Variants in TBC1D23 observed in about 807,000 individuals in gnomAD.
The protein encoded by TBC1D23 is HCV non-structural protein 4A-transactivated protein 1.
Under a neutral mutation model 91.4 loss-of-function variants are expected in TBC1D23, and 55 were observed. The ratio of observed to expected loss-of-function variants is 0.60; its 90% confidence interval spans 0.48 to 0.75. TBC1D23 has a LOEUF of 0.75. Ranked by LOEUF, TBC1D23 falls within the 30% of genes least tolerant of loss-of-function variation. TBC1D23 has a pLI of 0.00. For missense variants in TBC1D23, 725 were observed against 836.1 expected (o/e 0.87, Z 1.64); for synonymous variants, 289 against 281.0 (o/e 1.03, Z -0.28).
intron 12 of TBC1D23, 133 bp downstream of exon 12, chr3:100,305,021 G>T: frequency 1.8e-6 from 1 of 547,946 alleles, no homozygotes; most frequent in Non-Finnish European, 3.2e-6. Context: ...TTTCAGAAAA[G>T]GCAAGGCCAG....
intron 13 of TBC1D23, among the ~76,000 whole-genome samples, chr3:100,309,228 T>A (rs1705573410): frequency 6.6e-6 from 1 of 152,162 alleles, no homozygotes; most frequent in Non-Finnish European, 1.5e-5. Context: ...CTCTTACATT[T>A]GGTACATCAG....
At chr3:100,302,712 G>C (rs1057329659) in intron 11 of TBC1D23, among the ~76,000 whole-genome samples, 1 of 151,916 alleles carries the variant, frequency 6.6e-6, no homozygotes, top group Non-Finnish European at 1.5e-5. Context: ...TTAGCCTCTC[G>C]AGTAGCTGGG....
At chr3:100,315,513 C>A (rs1705727393) in intron 15 of TBC1D23, among the ~76,000 whole-genome samples, 1 of 152,124 alleles carries the variant, frequency 6.6e-6, no homozygotes, top group Non-Finnish European at 1.5e-5. Flanking sequence ...GTAGAATCTT[C>A]ATTTCTATTG....
intron 4 of TBC1D23, among the ~76,000 whole-genome samples, chr3:100,287,507 G>A (rs1434976048): frequency 6.6e-6 from 1 of 152,186 alleles, no homozygotes; most frequent in Non-Finnish European, 1.5e-5. Context: ...TATAGTGTAT[G>A]CCTCTACTCA....
Position 100,299,305 on chromosome 3 carries a change from A to G in TBC1D23, c.1066A>G (p.Thr356Ala). The change falls in exon 10 of 19, where the codon ACT becomes GCT. Residue 356 changes from threonine to alanine, a missense_variant. Thr to Ala is a moderately conservative substitution (Grantham distance 58). Coordinates refer to ENST00000394144, the MANE Select transcript of TBC1D23 (RefSeq NM_001199198.3). The stretch of plus-strand genomic sequence containing the variant: ...ACAATATAATGCTGGGCATTTATCA[A>G]CTGCTTTCCACTTAGATTCAGACCT... ...AEQYNAGHLS[T>A]AFHLDSDLML... 1 of 1,611,040 alleles carries G rather than the reference A, an allele frequency of 6.2e-7. No homozygotes were observed. Among genetic ancestry groups the G allele is most frequent in the Non-Finnish European group, 8.5e-7 (1 of 1,177,550 alleles).
intron 15 of TBC1D23, 60 bp downstream of exon 15, chr3:100,311,937 C>G: frequency 8.9e-7 from 1 of 1,128,036 alleles, no homozygotes; most frequent in Non-Finnish European, 1.3e-6. Context: ...ATGCTTCATG[C>G]CATCTATAAG....
chr3:100,279,110 T>C (rs937306499), intron 1 of TBC1D23, among the ~76,000 whole-genome samples: 1 of 152,196 alleles, frequency 6.6e-6, no homozygotes, highest in African/African-American at 2.4e-5. Context: ...CATGTGACCC[T>C]ATACCATAAT....
chr3:100,287,861 C>T (rs2067757699), intron 4 of TBC1D23, among the ~76,000 whole-genome samples: 1 of 151,872 alleles, frequency 6.6e-6, no homozygotes, highest in Admixed American at 6.6e-5. Context: ...TCAAGTGATC[C>T]TCCCTCCTCA....
chr3:100,305,497 CA>C (rs1324748118), intron 12 of TBC1D23, among the ~76,000 whole-genome samples: 1 of 151,982 alleles, frequency 6.6e-6, no homozygotes, highest in African/African-American at 2.4e-5. Flanking sequence ...AGAGATACTA[CA>C]AAAATACTGA....
At chr3:100,280,005 C>T (rs146100802) in intron 2 of TBC1D23, among the ~76,000 whole-genome samples, 11 of 151,994 alleles carry the variant, frequency 7.2e-5, no homozygotes, top group African/African-American at 2.7e-4. Context: ...GTTTATGGGG[C>T]CAGGCACAAT....
chr3:100,316,539 G>A (rs553511073), intron 16 of TBC1D23, among the ~76,000 whole-genome samples: 3 of 152,182 alleles, frequency 2.0e-5, no homozygotes, highest in Non-Finnish European at 4.4e-5. Flanking sequence ...GCTAAGGAGA[G>A]AGGTTTAAAC....
chr3:100,295,694 G>T (rs934770444), intron 7 of TBC1D23, among the ~76,000 whole-genome samples: 2 of 151,740 alleles, frequency 1.3e-5, no homozygotes, highest in African/African-American at 2.4e-5. Flanking sequence ...TGAAACCTTG[G>T]TTCTCCTTTT....
intron 15 of TBC1D23, among the ~76,000 whole-genome samples, chr3:100,315,253 C>T (rs567315611): frequency 4.2e-4 from 63 of 150,432 alleles, no homozygotes; most frequent in African/African-American, 1.3e-3. Flanking sequence ...ACCTCTGCCT[C>T]CCGGGTTCAA....
At chr3:100,275,860 A>C (rs973248419) in intron 1 of TBC1D23, among the ~76,000 whole-genome samples, 18 of 152,228 alleles carry the variant, frequency 1.2e-4, no homozygotes, top group African/African-American at 4.3e-4. Context: ...TACATGCTAC[A>C]TTATGGATAG....
intron 15 of TBC1D23, among the ~76,000 whole-genome samples, chr3:100,314,497 T>G (rs1419906128): frequency 6.6e-6 from 1 of 152,160 alleles, no homozygotes; most frequent in East Asian, 1.9e-4. Context: ...AGGCCAAGTG[T>G]GGTGGTTCAC....
In TBC1D23 at chr3:100,304,881, A is replaced by G; in HGVS notation, c.1299A>G (p.Gly433=). Residue 433 remains glycine, a synonymous_variant, in exon 12 of 19, where the codon GGA becomes GGG. Coordinates refer to ENST00000394144, the MANE Select transcript of TBC1D23 (RefSeq NM_001199198.3). The part of the protein sequence containing the change: ...NKEYVSIASG[G]FMALQQHLAD... ...AATATGTGAGTATTGCCAGTGGAGG[A>G]TTTATGGGTAAGATTTTGATTTATT... The G allele has an allele frequency of 6.7e-7, 1 of 1,485,850 alleles. No individual in the cohort carries two copies. The highest frequency in any genetic ancestry group is 9.4e-7 in the Non-Finnish European group (1 of 1,065,950). 92.0% of individuals were successfully genotyped at this position (1,485,850 alleles called of 1,614,324 possible).
intron 13 of TBC1D23, among the ~76,000 whole-genome samples, chr3:100,308,631 A>G (rs1559813214): frequency 6.6e-6 from 1 of 152,218 alleles, no homozygotes; most frequent in East Asian, 1.9e-4. Context: ...TTTTTAGTGA[A>G]TGTGTTTCTT....
chr3:100,296,400 G>C (rs1342862216), intron 8 of TBC1D23, 125 bp downstream of exon 8: 19 of 561,658 alleles, frequency 3.4e-5, no homozygotes, highest in Non-Finnish European at 5.7e-5. Flanking sequence ...TTGTAGTTTT[G>C]TGTGATTTTT....
chr3:100,321,573 C>T (rs1705858708), intron 18 of TBC1D23, among the ~76,000 whole-genome samples: 1 of 152,196 alleles, frequency 6.6e-6, no homozygotes, highest in Non-Finnish European at 1.5e-5. Flanking sequence ...CTTCCTGACT[C>T]CTGATTTGTG....
Sources: gnomAD v4.1 joint callset for allele counts (sites outside exome capture counted in the v4.1 genomes callset) on GRCh38, gnomAD v4.1.1 for gene constraint, MANE v1.5 for transcripts, NCBI Gene and HGNC (gene_info 2026-07-23, HGNC 2026-07-21) for gene names.